MCTP1: variants seen among roughly 807,000 people sequenced by gnomAD.
MCTP1 encodes the protein multiple C2 and transmembrane domain containing 1, also known as multiple C2 and transmembrane domain-containing protein 1.
In MCTP1, 69 loss-of-function variants were observed where a neutral mutation model predicts 120.6. That is an observed-to-expected ratio of 0.57 (90% confidence interval 0.47 to 0.70). The LOEUF (loss-of-function observed/expected upper bound fraction) is 0.70. MCTP1 is among the 30% of genes least tolerant of loss of function. The pLI is 0.00. For synonymous variants in MCTP1, 529 were observed against 493.1 expected (o/e 1.07, Z -0.96); for missense variants, 1,203 against 1,248.8 (o/e 0.96, Z 0.55).
chr5:95,269,062 C>G (rs545271231), intron 1 of MCTP1, among the ~76,000 whole-genome samples: 10 of 152,286 alleles, frequency 6.6e-5, no homozygotes, highest in African/African-American at 2.4e-4. Context: ...TAAGCCTCCA[C>G]TGATTTATCT....
intron 1 of MCTP1, among the ~76,000 whole-genome samples, chr5:95,106,757 G>T (rs928746688): frequency 2.0e-5 from 3 of 152,184 alleles, no homozygotes; most frequent in African/African-American, 7.2e-5. Flanking sequence ...ATCTCTAAAG[G>T]TTAGCAGGCC....
chr5:94,953,330 G>A lies in MCTP1; in HGVS notation c.870C>T (p.Ile290=), dbSNP rs528783201. The A allele has an allele frequency of 1.1e-5, 18 of 1,608,456 alleles. No individual in the cohort carries two copies. Among genetic ancestry groups the A allele is most frequent in the African/African-American group, 6.7e-5 (5 of 74,806 alleles). ...GTSDPYVKFK[I]GGKEVFRSKI... ...TACTTCTAAAAACTTCTTTTCCTCC[G>A]ATTTTAAACTTCACATATGGATCAC... is the stretch of plus-strand genomic sequence containing the variant. The change falls in exon 3 of 23, where the codon ATC becomes ATT. Residue 290 remains isoleucine (I), a synonymous_variant. Coordinates refer to ENST00000515393, the MANE Select transcript of MCTP1 (RefSeq NM_024717.7).
intron 1 of MCTP1, among the ~76,000 whole-genome samples, chr5:95,050,033 A>AC (rs1745491115): frequency 6.6e-6 from 1 of 151,112 alleles, no homozygotes; most frequent in Non-Finnish European, 1.5e-5. Flanking sequence ...GGTGACCTCT[A>AC]CCCCCGTTAG....
intron 1 of MCTP1, among the ~76,000 whole-genome samples, chr5:95,265,788 C>T (rs1758834956): frequency 6.6e-6 from 1 of 152,192 alleles, no homozygotes. Context: ...GAAAAAATCT[C>T]TGGAGTGCAG....
intron 7 of MCTP1, among the ~76,000 whole-genome samples, chr5:94,921,821 C>A (rs756495483): frequency 6.6e-6 from 1 of 152,138 alleles, no homozygotes; most frequent in Non-Finnish European, 1.5e-5. Flanking sequence ...AGAAAAGGGT[C>A]AAATAATGCA....
chr5:94,707,495 G>T lies in MCTP1; in HGVS notation c.*1C>A, dbSNP rs779672668. The T allele has an allele frequency of 1.9e-6, 3 of 1,610,292 alleles. No individual in the cohort carries two copies. The Admixed American group carries it at 5.0e-5, about 27-fold the overall frequency. ...CTGGTCTCCTCAGTGCTGGGAGCTG[G>T]CTAGCCAAGATTGTTTTTCTTTCTT... On this transcript the variant is annotated 3_prime_UTR_variant, in exon 23 of 23. Transcript: ENST00000515393.
At chr5:95,186,066 C>T (rs751661841) in intron 1 of MCTP1, among the ~76,000 whole-genome samples, 3 of 151,716 alleles carry the variant, frequency 2.0e-5, no homozygotes, top group Non-Finnish European at 4.4e-5. Context: ...CACTGCACTC[C>T]AGCCTGGGTG....
rs140405027 is a variant in MCTP1, at chr5:94,890,140, C to T, written c.1840-1168G>A. 7.7e-3 allele frequency among the ~76,000 whole-genome samples: 1,177 copies of T among 152,098 alleles called. 10 individuals are homozygous for T. Among genetic ancestry groups the T allele is most frequent in the Middle Eastern group, 0.014 (4 of 292 alleles). Reference sequence around the variant, plus strand: ...CAGCCTCCTGAGTGGCTAGAACTACCGGCATGTGCAACCATACTTGGTTAA... The same window carrying T: ...CAGCCTCCTGAGTGGCTAGAACTACTGGCATGTGCAACCATACTTGGTTAA... On this transcript the variant is annotated intron_variant, in intron 11 of 22. Coordinates refer to ENST00000515393, the MANE Select transcript of MCTP1 (RefSeq NM_024717.7).
At chr5:94,992,317 G>A (rs1341602302) in intron 2 of MCTP1, among the ~76,000 whole-genome samples, 1 of 152,086 alleles carries the variant, frequency 6.6e-6, no homozygotes, top group African/African-American at 2.4e-5. Flanking sequence ...TGATGATGAT[G>A]ATGAAAACAG....
intron 2 of MCTP1, among the ~76,000 whole-genome samples, chr5:94,966,888 T>C (rs1293761774): frequency 6.6e-6 from 1 of 152,176 alleles, no homozygotes; most frequent in African/African-American, 2.4e-5. Flanking sequence ...TTCTTGCACA[T>C]GATCACAAAG....
chr5:94,769,523 G>T (rs1231151052), intron 19 of MCTP1, among the ~76,000 whole-genome samples: 2 of 151,920 alleles, frequency 1.3e-5, no homozygotes, highest in Non-Finnish European at 2.9e-5. Context: ...AACCCCATGA[G>T]GTTTTCATAT....
At chr5:94,985,535 T>C (rs1321237727) in intron 2 of MCTP1, among the ~76,000 whole-genome samples, 1 of 152,172 alleles carries the variant, frequency 6.6e-6, no homozygotes, top group East Asian at 1.9e-4. Flanking sequence ...TACTGCCAGT[T>C]CTGAAGATCT....
chr5:94,752,147 T>TATATATATATATATA (rs1554087388), intron 19 of MCTP1, among the ~76,000 whole-genome samples: 1 of 51,226 alleles, frequency 2.0e-5, no homozygotes, highest in African/African-American at 4.8e-5. Context: ...ATATATATAT[T>TATATATATATATATA]CAAAATAGCT....
At chr5:95,098,255 T>C (rs1756423747) in intron 1 of MCTP1, among the ~76,000 whole-genome samples, 1 of 152,326 alleles carries the variant, frequency 6.6e-6, no homozygotes, top group Admixed American at 6.5e-5. Flanking sequence ...TATTTTTTAG[T>C]GTGTGTATGT....
At chr5:94,814,647 C>A (rs1016892848) in intron 17 of MCTP1, among the ~76,000 whole-genome samples, 3 of 151,816 alleles carry the variant, frequency 2.0e-5, no homozygotes, top group Non-Finnish European at 4.4e-5. Context: ...GAACTCCTTA[C>A]TTTCTAAATA....
intron 17 of MCTP1, among the ~76,000 whole-genome samples, chr5:94,832,913 G>C (rs1194471502): frequency 1.3e-5 from 2 of 152,220 alleles, no homozygotes; most frequent in Admixed American, 6.5e-5. Flanking sequence ...AGGGCAAACA[G>C]TTCACTGTAG....
chr5:95,084,560 C>T (rs567438371), intron 1 of MCTP1, among the ~76,000 whole-genome samples: 1 of 150,848 alleles, frequency 6.6e-6, no homozygotes, highest in South Asian at 2.1e-4. Context: ...TCCTCTTGGC[C>T]TCCTGCAAGC....
In MCTP1 at chr5:95,280,284, AC is replaced by A. The variant is rs554306221; in HGVS notation, c.720+3571del. Among the ~76,000 whole-genome samples, 23 of 152,362 alleles carry A rather than the reference AC, an allele frequency of 1.5e-4. No individual in the cohort carries two copies. In the South Asian group the frequency reaches 4.6e-3, roughly 30 times the overall value. On this transcript the variant is annotated intron_variant, in intron 1 of 22. Coordinates refer to ENST00000515393, the MANE Select transcript of MCTP1 (RefSeq NM_024717.7). ...CTATGTTTCAAAACATATCTAACAT[AC>A]ACTGAATAATTTTCCTACTTCTTTT...
At chr5:95,111,103 T>C (rs1167476743) in intron 1 of MCTP1, among the ~76,000 whole-genome samples, 2 of 152,234 alleles carry the variant, frequency 1.3e-5, no homozygotes, top group South Asian at 2.1e-4. Context: ...CATGTTTAGA[T>C]GTCTAAGGTT....
Sources: gnomAD v4.1 joint callset for allele counts (sites outside exome capture counted in the v4.1 genomes callset) on GRCh38, gnomAD v4.1.1 for gene constraint, MANE v1.5 for transcripts, NCBI Gene and HGNC (gene_info 2026-07-23, HGNC 2026-07-21) for gene names.